ITGAX: variants seen among roughly 807,000 people sequenced by gnomAD.
The protein encoded by ITGAX is integrin subunit alpha X.
A neutral mutation model predicts 140.2 loss-of-function variants in ITGAX; 99 were observed. The ratio of observed to expected loss-of-function variants is 0.71; its 90% CI spans 0.60 to 0.83. The LOEUF is 0.83. Among genes scored for constraint, ITGAX ranks in the 40% least tolerant of loss-of-function variants. The probability of loss-of-function intolerance (pLI) is 0.00; values close to 1 mark genes in which losing one functional copy is unlikely to be tolerated. For synonymous variants in ITGAX, 631 were observed against 600.4 expected (o/e 1.05, Z -0.75); for missense variants, 1,444 against 1,482.0 (o/e 0.97, Z 0.42).
rs61575806 is a variant in ITGAX at position 31,382,228 on chromosome 16, CT to C, written c.*336del. ...GGCACGAATGATCTTTCTTTCCTTT[CT>C]TTTTTTTTTTTTTTCTTTTCTTTTT... On this transcript the variant is annotated 3_prime_UTR_variant, in exon 30 of 30. Transcript: ENST00000268296. 284,662 of 885,676 alleles carry C rather than the reference CT, an allele frequency of 0.32. 19,848 individuals carry two copies. Among genetic ancestry groups the C allele is most frequent in the East Asian group, 0.48 (7,868 of 16,490 alleles). 54.9% of individuals were successfully genotyped at this position (885,676 alleles called of 1,614,324 possible). A position where few individuals can be genotyped will look rare whatever the true frequency, so the allele number is the denominator to read the frequency against.
At position 31,372,638 on chromosome 16, in the gene ITGAX, G is replaced by C; in HGVS notation, c.2334G>C (p.Gln778His). 1 of 1,614,118 alleles carries C rather than the reference G, an allele frequency of 6.2e-7. No individual in the cohort carries two copies. The highest frequency in any genetic ancestry group is 1.1e-5 in the South Asian group (1 of 91,084). Reference sequence around the variant, plus strand: ...ACTGTGGAGCCGACCATATCTGCCAGGACAATCTCGGCATCTCCTTCAGCT... The same window carrying C: ...ACTGTGGAGCCGACCATATCTGCCACGACAATCTCGGCATCTCCTTCAGCT... ...EKNCGADHIC[Q>H]DNLGISFSFP... Residue 778 changes from glutamine (Q) to histidine (H), a missense_variant, in exon 19 of 30, where the codon CAG (glutamine) becomes CAC (histidine). Coordinates refer to ENST00000268296, the MANE Select transcript of ITGAX (RefSeq NM_000887.5).
intron 25 of ITGAX, 50 bp from the exon 26 acceptor site, chr16:31,379,932 G>T: frequency 6.2e-7 from 1 of 1,607,712 alleles, no homozygotes; most frequent in Non-Finnish European, 8.5e-7. Flanking sequence ...TGCCCCATGT[G>T]GGTCCCTGAT....
chr16:31,380,579 C>G lies in ITGAX; in HGVS notation c.3231C>G (p.Ser1077=). 1 of 1,614,258 alleles carries G rather than the reference C, an allele frequency of 6.2e-7. No individual in the cohort carries two copies. The highest frequency in any genetic ancestry group is 8.5e-7 in the Non-Finnish European group (1 of 1,180,048). ...TGGCTGAAATTACGTTCGACACATC[C>G]GTGTACTCCCAGCTTCCAGGACAGG... ...VSVAEITFDT[S]VYSQLPGQEA... Residue 1077 remains serine, a synonymous_variant, in exon 28 of 30, where the codon TCC becomes TCG. Coordinates refer to ENST00000268296, the MANE Select transcript of ITGAX (RefSeq NM_000887.5).
intron 2 of ITGAX, chr16:31,356,285 C>CT (rs1446859905): frequency 4.6e-6 from 2 of 436,516 alleles, no homozygotes; most frequent in African/African-American, 2.0e-5. Context: ...TTTTTTCTTT[C>CT]TTTTTTTCTA....
Position 31,360,067 on chromosome 16 carries a change from T to G in ITGAX, c.707+2T>G. 6.2e-7 allele frequency: 1 copy of G among 1,609,206 alleles called. No individual in the cohort carries two copies. The highest frequency in any genetic ancestry group is 8.5e-7 in the Non-Finnish European group (1 of 1,179,990). On this transcript the variant is annotated splice_donor_variant, in intron 7 of 29. Coordinates refer to ENST00000268296, the MANE Select transcript of ITGAX (RefSeq NM_000887.5). LOFTEE classifies it high-confidence loss of function. The stretch of plus-strand genomic sequence containing the variant: ...GGCCACCGCCATCCAAAATGTCGTG[T>G]GAGTCCTGATTTCTTCCAGGCACAG...
In ITGAX at chr16:31,361,094, G is replaced by A. The variant is rs1020179230; in HGVS notation, c.893G>A (p.Trp298Ter). The change falls in exon 9 of 30, where the codon TGG (tryptophan) becomes TAG (stop). Residue 298 changes from tryptophan (W) to a stop codon, truncating the protein, a stop_gained. Transcript: ENST00000268296. LOFTEE classifies it high-confidence loss of function. ...TTAGCTTTTCAAAACAGAAATTCTT[G>A]GAAAGAATTAAATGACATTGCATCG... ...VGLAFQNRNS[W>*]KELNDIASKP... is the part of the protein sequence containing the mutation. 3.1e-6 allele frequency: 5 copies of A among 1,612,386 alleles called. No individual in the cohort carries two copies. Among genetic ancestry groups the A allele is most frequent in the Admixed American group, 1.7e-5 (1 of 59,572 alleles).
chr16:31,371,585 C>T (rs768734328), intron 16 of ITGAX, 45 bp from the exon 17 acceptor site: 16 of 1,611,940 alleles, frequency 9.9e-6, no homozygotes, highest in Non-Finnish European at 1.2e-5. Flanking sequence ...TCATTGTCCA[C>T]CCAAGGAGTT....
At position 31,376,795 on chromosome 16, in the gene ITGAX, C is replaced by T. The variant is rs777856098; in HGVS notation, c.2509-4C>T. On this transcript the variant is annotated splice_polypyrimidine_tract_variant and splice_region_variant and intron_variant, in intron 20 of 29. Coordinates refer to ENST00000268296, the MANE Select transcript of ITGAX (RefSeq NM_000887.5). ...AATACTCCTCTACTTTTTCTCATGC[C>T]TAGAAACAAGGGCAGCTGCGTTCCC... 30 of 1,613,542 alleles carry T rather than the reference C, an allele frequency of 1.9e-5. No homozygotes were observed. The highest frequency in any genetic ancestry group is 1.8e-4 in the Admixed American group (11 of 59,888).
Position 31,363,320 on chromosome 16 carries a change from T to C in ITGAX, c.1656T>C (p.Ala552=), listed in dbSNP as rs1006652276. The stretch of plus-strand genomic sequence containing the variant: ...CAGGAGAGGAGGAGAACCGGGGTGC[T>C]GTCTACCTGTTTCACGGAGTCTTGG... ...GAPGEEENRG[A]VYLFHGVLGP... The change falls in exon 14 of 30, where the codon GCT becomes GCC. Residue 552 remains alanine, a synonymous_variant. Transcript: ENST00000268296. The C allele has an allele frequency of 2.9e-5, 47 of 1,613,906 alleles. No individual in the cohort carries two copies. The highest frequency in any genetic ancestry group is 3.8e-5 in the Non-Finnish European group (45 of 1,179,944).
At chr16:31,362,319 T>C in intron 11 of ITGAX, 115 bp downstream of exon 11, 4 of 647,772 alleles carry the variant, frequency 6.2e-6, no homozygotes, top group Non-Finnish European at 7.5e-6. Context: ...TCCAGGCTTC[T>C]GGGGAGGGAG....
At position 31,371,768 on chromosome 16, in the gene ITGAX, T is replaced by G. The variant is rs1186154324; in HGVS notation, c.2144T>G (p.Phe715Cys). 1 of 1,613,932 alleles carries G rather than the reference T, an allele frequency of 6.2e-7. No individual in the cohort carries two copies. The highest frequency in any genetic ancestry group is 1.7e-5 in the Admixed American group (1 of 60,012). ...VLGLKAHCEN[F>C]NLLLPSCVED... is the part of the protein sequence containing the mutation. ...GGGCTGAAGGCACACTGTGAAAACT[T>G]CAACCTGCTGCTCCCGGTGCGTCTG... Residue 715 changes from phenylalanine to cysteine, a missense_variant, in exon 17 of 30, where the codon TTC (phenylalanine) becomes TGC (cysteine). Coordinates refer to ENST00000268296, the MANE Select transcript of ITGAX (RefSeq NM_000887.5).
intron 29 of ITGAX, 135 bp downstream of exon 29, chr16:31,381,142 C>T: frequency 3.2e-6 from 2 of 619,418 alleles, no homozygotes; most frequent in Non-Finnish European, 2.8e-6. Context: ...TTCCCACCTG[C>T]AATGTCACCT....
chr16:31,371,225 C>G lies in ITGAX; in HGVS notation c.1841+11C>G. The G allele has an allele frequency of 6.2e-7, 1 of 1,603,938 alleles. No individual in the cohort carries two copies. Among genetic ancestry groups the G allele is most frequent in the Non-Finnish European group, 8.5e-7 (1 of 1,174,424 alleles). ...GGTGCTCCTGCTCAGGTGAGAGCAG[C>G]CTTTCTCAGAGGCTCCCCAGGTGGT... On this transcript the variant is annotated intron_variant, in intron 15 of 29. Coordinates refer to ENST00000268296, the MANE Select transcript of ITGAX (RefSeq NM_000887.5).
At chr16:31,359,865 G>T in intron 6 of ITGAX, 35 bp downstream of exon 6, 2 of 1,613,958 alleles carry the variant, frequency 1.2e-6, no homozygotes, top group Non-Finnish European at 1.7e-6. Context: ...GCTGGGGGTG[G>T]GTGCTTCGAT....
At chr16:31,379,483 C>A in intron 23 of ITGAX, 85 bp from the exon 24 acceptor site, 2 of 1,325,104 alleles carry the variant, frequency 1.5e-6, no homozygotes, top group Non-Finnish European at 2.1e-6. Context: ...GCCCCACCGA[C>A]CACCTGTCCT....
At chr16:31,375,517 A>G (rs1259700948) in intron 20 of ITGAX, among the ~76,000 whole-genome samples, 2 of 152,252 alleles carry the variant, frequency 1.3e-5, no homozygotes, top group Non-Finnish European at 2.9e-5. Flanking sequence ...GGGAACAGAC[A>G]AAGACACACT....
In ITGAX at chr16:31,359,797, T is replaced by G. The variant is rs374289179; in HGVS notation, c.528T>G (p.Ala176=). The G allele has an allele frequency of 1.2e-6, 2 of 1,613,984 alleles. No individual in the cohort carries two copies. The highest frequency in any genetic ancestry group is 2.7e-5 in the African/African-American group (2 of 74,904). ...NFATMMNFVR[A]VISQFQRPST... ...CCACGATGATGAACTTCGTGAGAGCTGTGATAAGCCAGTTCCAGAGACCCA... is the reference window on the plus strand; with the variant it reads ...CCACGATGATGAACTTCGTGAGAGCGGTGATAAGCCAGTTCCAGAGACCCA... Residue 176 remains alanine, a synonymous_variant, in exon 6 of 30, where the codon GCT becomes GCG. Transcript: ENST00000268296.
chr16:31,356,361 C>T (rs2142477006), intron 2 of ITGAX: 1 of 464,374 alleles, frequency 2.2e-6, no homozygotes, highest in East Asian at 3.7e-5. Context: ...AACTCCTGGG[C>T]TCAAGCAATC....
intron 14 of ITGAX, among the ~76,000 whole-genome samples, chr16:31,366,426 C>T (rs1567300871): frequency 6.6e-6 from 1 of 152,204 alleles, no homozygotes; most frequent in Non-Finnish European, 1.5e-5. Context: ...TCCCTATTCC[C>T]TGCAATGCAA....
Sources: gnomAD v4.1 joint callset for allele counts (sites outside exome capture counted in the v4.1 genomes callset) on GRCh38, gnomAD v4.1.1 for gene constraint, MANE v1.5 for transcripts, NCBI Gene and HGNC (gene_info 2026-07-23, HGNC 2026-07-21) for gene names.